The following THG1L variants were observed in gnomAD, a reference collection of about 807,000 sequenced individuals.
THG1L encodes tRNA-histidine guanylyltransferase 1 like.
THG1L carries 27 observed loss-of-function variants against 35.2 expected under a neutral mutation model. The ratio of observed to expected loss-of-function variants is 0.77; its 90% CI spans 0.57 to 1.06. THG1L has a LOEUF of 1.06. Ranked by LOEUF, THG1L falls within the 50% of genes least tolerant of loss-of-function variation. THG1L has a pLI of 0.00. For missense variants in THG1L, 377 were observed against 371.8 expected (o/e 1.01, Z -0.12); for synonymous variants, 135 against 132.4 (o/e 1.02, Z -0.14).
chr5:157,733,671 C>G (rs1268737736), intron 2 of THG1L, among the ~76,000 whole-genome samples: 3 of 151,774 alleles, frequency 2.0e-5, no homozygotes, highest in Non-Finnish European at 1.5e-5. Flanking sequence ...TCTCTCCTTT[C>G]ATGACTGTAA....
intron 4 of THG1L, among the ~76,000 whole-genome samples, chr5:157,736,987 G>A (rs1340356984): frequency 2.0e-5 from 3 of 151,834 alleles, no homozygotes; most frequent in Non-Finnish European, 2.9e-5. Flanking sequence ...TTTTTGAGAT[G>A]GGTTCTTGCT....
chr5:157,735,491 G>A (rs1232864302), intron 3 of THG1L, among the ~76,000 whole-genome samples: 4 of 152,212 alleles, frequency 2.6e-5, no homozygotes, highest in Non-Finnish European at 5.9e-5. Context: ...GATGATGTTT[G>A]TGAGGCTTTT....
Position 157,733,057 on chromosome 5 carries a change from C to G in THG1L, c.368+13C>G, listed in dbSNP as rs756888199. The G allele has an allele frequency of 1.2e-6, 2 of 1,610,566 alleles. No homozygotes were observed. The highest frequency in any genetic ancestry group is 1.7e-6 in the Non-Finnish European group (2 of 1,177,342). On this transcript the variant is annotated intron_variant, in intron 2 of 5. Transcript: ENST00000231198. ...AAAGAAGAGCCAGGTAATTCCATGA[C>G]CTAACTCCTTTCTTCAGAATATTTC...
In THG1L at chr5:157,732,938, CAG is replaced by C; in HGVS notation, c.264_265del (p.Gln88HisfsTer17). 6.2e-7 allele frequency: 1 copy of C among 1,614,206 alleles called. No homozygotes were observed. Among genetic ancestry groups the C allele is most frequent in the Non-Finnish European group, 8.5e-7 (1 of 1,180,046 alleles). ...RALQLMTKCA[Q>X]TVMEELEDIV... ...TCTCCAGCTGATGACCAAATGTGCG[CAG>C]ACTGTGATGGAAGAACTAGAGGATA... On this transcript the variant is annotated frameshift_variant, in exon 2 of 6. Transcript: ENST00000231198. LOFTEE classifies it high-confidence loss of function.
chr5:157,737,905 A>T lies in THG1L; in HGVS notation c.646A>T (p.Lys216Ter). ...GRLQGTLAAD[K>*]NEILFSEFNI... is the part of the protein sequence containing the mutation. ...TTCTCAGGGAACTCTTGCAGCAGAC[A>T]AGAATGAGATTTTGTTTTCTGAATT... Residue 216 changes from lysine to a stop codon, truncating the protein, a stop_gained, in exon 5 of 6, where the codon AAG becomes TAG. Transcript: ENST00000231198. LOFTEE classifies it high-confidence loss of function. 6 of 1,613,052 alleles carry T rather than the reference A, an allele frequency of 3.7e-6. No individual in the cohort carries two copies. Among genetic ancestry groups the T allele is most frequent in the Non-Finnish European group, 5.1e-6 (6 of 1,179,656 alleles).
At position 157,734,683 on chromosome 5, in the gene THG1L, G is replaced by A; in HGVS notation, c.476G>A (p.Arg159Lys). 6.2e-7 allele frequency: 1 copy of A among 1,614,138 alleles called. No individual in the cohort carries two copies. The highest frequency in any genetic ancestry group is 1.1e-5 in the South Asian group (1 of 91,076). The part of the protein sequence containing the change: ...PLLYPPGFDG[R>K]VVVYPSNQTL... ...CTGTATCCCCCAGGCTTTGACGGAA[G>A]AGTCGTGGTGTATCCCAGCAACCAG... is the stretch of plus-strand genomic sequence containing the variant. Residue 159 changes from arginine (R) to lysine (K), a missense_variant, in exon 3 of 6, where the codon AGA becomes AAA. Transcript: ENST00000231198.
chr5:157,737,819 A>T, intron 4 of THG1L, 68 bp from the exon 5 acceptor site: 1 of 1,253,938 alleles, frequency 8.0e-7, no homozygotes, highest in Non-Finnish European at 1.1e-6. Context: ...TTGTGGGTCG[A>T]ATGGATAGTA....
intron 2 of THG1L, among the ~76,000 whole-genome samples, chr5:157,733,634 A>G (rs1244160934): frequency 6.7e-6 from 1 of 150,108 alleles, no homozygotes. Flanking sequence ...CCCAGCCTGA[A>G]TTGGCATTTT....
At chr5:157,738,704 A>T in intron 5 of THG1L, 1 of 402,692 alleles carries the variant, frequency 2.5e-6, no homozygotes. Flanking sequence ...TCTTTGGTAC[A>T]GACTTGGATA....
At chr5:157,733,130 T>C in intron 2 of THG1L, 86 bp downstream of exon 2, 2 of 1,493,210 alleles carry the variant, frequency 1.3e-6, no homozygotes, top group South Asian at 2.4e-5. Flanking sequence ...ACTTACAGGC[T>C]ACAGATGATG....
At chr5:157,736,476 C>T (rs960922103) in intron 4 of THG1L, among the ~76,000 whole-genome samples, 2 of 152,194 alleles carry the variant, frequency 1.3e-5, no homozygotes, top group Non-Finnish European at 2.9e-5. Flanking sequence ...TCTTGAACTC[C>T]TGACCTGAAG....
intron 1 of THG1L, 74 bp downstream of exon 1, chr5:157,731,705 C>T (rs555756043): frequency 1.4e-5 from 21 of 1,506,742 alleles, no homozygotes; most frequent in South Asian, 5.2e-5. Context: ...CTTGCAAGTC[C>T]TCCCGCCCGC....
chr5:157,734,561 C>T lies in THG1L; in HGVS notation c.369-15C>T, dbSNP rs139334926. On this transcript the variant is annotated splice_polypyrimidine_tract_variant and intron_variant, in intron 2 of 5. Coordinates refer to ENST00000231198, the MANE Select transcript of THG1L (RefSeq NM_017872.5). ...TCTTTTTCTTACTCCACCCAATGTGCGTTACATTTTCAAGTAAGTTCATGA... is the reference window on the plus strand; with the variant it reads ...TCTTTTTCTTACTCCACCCAATGTGTGTTACATTTTCAAGTAAGTTCATGA... 1.9e-5 allele frequency: 31 copies of T among 1,613,506 alleles called. No homozygotes were observed. The African/African-American group carries it at 2.9e-4, about 15-fold the overall frequency.
chr5:157,732,927 C>G lies in THG1L; in HGVS notation c.251C>G (p.Thr84Ser). The change falls in exon 2 of 6, where the codon ACC becomes AGC. Residue 84 changes from threonine (T) to serine (S), a missense_variant. Physicochemically the swap from Thr to Ser is moderately conservative, Grantham distance 58 (BLOSUM62 1). Coordinates refer to ENST00000231198, the MANE Select transcript of THG1L (RefSeq NM_017872.5). ...PNDSRALQLM[T>S]KCAQTVMEEL... Reference sequence around the variant, plus strand: ...GACAGCCGTGCTCTCCAGCTGATGACCAAATGTGCGCAGACTGTGATGGAA... The same window carrying G: ...GACAGCCGTGCTCTCCAGCTGATGAGCAAATGTGCGCAGACTGTGATGGAA... The G allele has an allele frequency of 6.2e-7, 1 of 1,614,178 alleles. No homozygotes were observed. Among genetic ancestry groups the G allele is most frequent in the Non-Finnish European group, 8.5e-7 (1 of 1,180,036 alleles).
At position 157,737,897 on chromosome 5, in the gene THG1L, C is replaced by T; in HGVS notation, c.638C>T (p.Ala213Val). ...QAQGRLQGTL[A>V]ADKNEILFSE... ...TTTTTATTTTCTCAGGGAACTCTTG[C>T]AGCAGACAAGAATGAGATTTTGTTT... The change falls in exon 5 of 6, where the codon GCA becomes GTA. Residue 213 changes from alanine (A) to valine (V), a missense_variant. Transcript: ENST00000231198. 6.2e-7 allele frequency: 1 copy of T among 1,611,908 alleles called. No individual in the cohort carries two copies. The highest frequency in any genetic ancestry group is 1.1e-5 in the South Asian group (1 of 90,468).
In THG1L at chr5:157,732,215, C is replaced by CAAAAAAAAAAAAAAAAAAAAAAA. The variant is rs34744387; in HGVS notation, c.191+591_191+613dup. ...TGTTGTTTGTGAAACTCCGCCACTACAAAAAAAAAAAAAAAAAAAAAAAAA... is the reference window on the plus strand; with the variant it reads ...TGTTGTTTGTGAAACTCCGCCACTACAAAAAAAAAAAAAAAAAAAAAAAAAAAAAAAAAAAAAAAAAAAAAAAA... On this transcript the variant is annotated intron_variant, in intron 1 of 5. Coordinates refer to ENST00000231198, the MANE Select transcript of THG1L (RefSeq NM_017872.5). 5.6e-5 allele frequency among the ~76,000 whole-genome samples: 3 copies of CAAAAAAAAAAAAAAAAAAAAAAA among 53,890 alleles called. 1 individual carries two copies. The highest frequency in any genetic ancestry group is 5.3e-4 in the Admixed American group (2 of 3,760). 35.4% of individuals were successfully genotyped at this position (53,890 alleles called of 152,430 possible).
At chr5:157,735,237 C>A (rs75584055) in intron 3 of THG1L, among the ~76,000 whole-genome samples, 1 of 152,144 alleles carries the variant, frequency 6.6e-6, no homozygotes, top group Non-Finnish European at 1.5e-5. Context: ...CACGCCCAGC[C>A]GCCTTATCTC....
chr5:157,735,469 T>C (rs1048635407), intron 3 of THG1L, among the ~76,000 whole-genome samples: 1 of 152,230 alleles, frequency 6.6e-6, no homozygotes, highest in Non-Finnish European at 1.5e-5. Flanking sequence ...GACCCTTGCC[T>C]TATGTGACTG....
chr5:157,735,571 C>T (rs1403315096), intron 3 of THG1L, among the ~76,000 whole-genome samples: 1 of 152,184 alleles, frequency 6.6e-6, no homozygotes, highest in Non-Finnish European at 1.5e-5. Context: ...AATCAAATAA[C>T]TTCTAAAGTA....
Sources: gnomAD v4.1 joint callset for allele counts (sites outside exome capture counted in the v4.1 genomes callset) on GRCh38, gnomAD v4.1.1 for gene constraint, MANE v1.5 for transcripts, NCBI Gene and HGNC (gene_info 2026-07-23, HGNC 2026-07-21) for gene names.